The following TBXAS1 variants were observed in gnomAD, a reference collection of about 807,000 sequenced individuals.
TBXAS1 encodes the protein thromboxane A synthase 1.
TBXAS1 carries 48 observed loss-of-function variants against 60.7 expected under a neutral mutation model. The observed-to-expected ratio is 0.79, with a 90% CI of 0.63 to 1.01. The LOEUF (loss-of-function observed/expected upper bound fraction) is 1.01. Among genes scored for constraint, TBXAS1 ranks in the 50% least tolerant of loss-of-function variants. The pLI is 0.00. For synonymous variants in TBXAS1, 287 were observed against 269.7 expected (o/e 1.06, Z -0.63); for missense variants, 685 against 686.3 (o/e 1.00, Z 0.02).
At position 139,952,746 on chromosome 7, in the gene TBXAS1, C is replaced by T. The variant is rs1016596897; in HGVS notation, c.451-622C>T. 16 of 1,464,676 alleles carry T rather than the reference C, an allele frequency of 1.1e-5. No homozygotes were observed. The African/African-American group carries it at 2.0e-4, about 18-fold the overall frequency. The allele number at this position is 1,464,676 out of a possible 1,614,324, so 90.7% of individuals were successfully genotyped here. ...TTCCTATTAAAAAAAAGAAACCCAA[C>T]AATTGCCCCATGTGGGCATAGGAGG... On this transcript the variant is annotated intron_variant, in intron 5 of 12. Transcript: ENST00000448866.
At position 140,015,709 on chromosome 7, in the gene TBXAS1, G is replaced by A. The variant is rs1213460644; in HGVS notation, c.1227-14G>A. On this transcript the variant is annotated splice_polypyrimidine_tract_variant and intron_variant, in intron 10 of 12. Transcript: ENST00000448866. Reference sequence around the variant, plus strand: ...TCTTCTCTGTATCCACCCCCGACCTGGTGTTTCCCTCAGATTCACACGGGA... The same window carrying A: ...TCTTCTCTGTATCCACCCCCGACCTAGTGTTTCCCTCAGATTCACACGGGA... 1 of 1,612,594 alleles carries A rather than the reference G, an allele frequency of 6.2e-7. No homozygotes were observed. The highest frequency in any genetic ancestry group is 8.5e-7 in the Non-Finnish European group (1 of 1,179,980).
chr7:139,807,238 G>C (rs1313597167), intron 4 of TBXAS1, among the ~76,000 whole-genome samples: 1 of 152,130 alleles, frequency 6.6e-6, no homozygotes. Context: ...TCTGTTTCCT[G>C]CTCTGCCACC....
intron 9 of TBXAS1, among the ~76,000 whole-genome samples, chr7:140,005,954 A>T (rs1463688172): frequency 6.6e-6 from 1 of 152,024 alleles, no homozygotes; most frequent in Non-Finnish European, 1.5e-5. Context: ...TCACTTTGAG[A>T]GCTGGCTGAG....
Position 139,921,796 on chromosome 7 carries a change from G to T in TBXAS1, c.333+10475G>T, listed in dbSNP as rs1806492168. 2.0e-5 allele frequency among the ~76,000 whole-genome samples: 3 copies of T among 152,216 alleles called. No homozygotes were observed. In the South Asian group the frequency reaches 6.2e-4, roughly 32 times the overall value. ...TAAACATATAGGTTTCCAGTTTTTT[G>T]CTATTATGAATTAGGTTGTTATATC... On this transcript the variant is annotated intron_variant, in intron 4 of 12. Coordinates refer to ENST00000448866, the MANE Select transcript of TBXAS1 (RefSeq NM_001061.7).
At chr7:139,783,410 A>C (rs549769734) in intron 3 of TBXAS1, among the ~76,000 whole-genome samples, 1 of 152,218 alleles carries the variant, frequency 6.6e-6, no homozygotes, top group South Asian at 2.1e-4. Flanking sequence ...GTAGATGCAC[A>C]GAAGGTAGGG....
At chr7:139,972,074 T>C (rs938044049) in intron 9 of TBXAS1, among the ~76,000 whole-genome samples, 2 of 152,140 alleles carry the variant, frequency 1.3e-5, no homozygotes, top group African/African-American at 2.4e-5. Context: ...CAGGTGTTTT[T>C]TTCTGGGCTG....
intron 9 of TBXAS1, among the ~76,000 whole-genome samples, chr7:139,983,928 G>A (rs536908142): frequency 6.6e-6 from 1 of 152,330 alleles, no homozygotes; most frequent in East Asian, 1.9e-4. Context: ...GGAGCTGCCA[G>A]TGGAGAAAGT....
chr7:139,873,248 G>A lies in TBXAS1; in HGVS notation c.183+920G>A, dbSNP rs566137013. On this transcript the variant is annotated intron_variant, in intron 2 of 12. Transcript: ENST00000448866. ...CTGACTAGAGGCCAAATGCTAAGGT[G>A]CACTGGGCAATGCAGTTGGGTGAGA... 1.4e-4 allele frequency among the ~76,000 whole-genome samples: 21 copies of A among 152,330 alleles called. No individual in the cohort carries two copies. The South Asian group carries it at 3.9e-3, about 29-fold the overall frequency.
chr7:140,009,187 T>C (rs151238141), intron 10 of TBXAS1, among the ~76,000 whole-genome samples: 1,625 of 152,326 alleles, frequency 0.011, 37 homozygotes, highest in African/African-American at 0.036. Context: ...TTGGTGCAGG[T>C]GGACCAGGAA....
intron 1 of TBXAS1, among the ~76,000 whole-genome samples, chr7:139,844,920 A>G (rs776018923): frequency 6.6e-6 from 1 of 151,992 alleles, no homozygotes; most frequent in African/African-American, 2.4e-5. Flanking sequence ...CTCCTTGCTC[A>G]TTTCCTCATT....
intron 9 of TBXAS1, among the ~76,000 whole-genome samples, chr7:139,964,277 G>A (rs1810610775): frequency 6.6e-6 from 1 of 152,152 alleles, no homozygotes; most frequent in Non-Finnish European, 1.5e-5. Flanking sequence ...TAGATACGGG[G>A]TTTCACCACG....
chr7:139,997,844 TCCC>T (rs1813397636), intron 9 of TBXAS1, among the ~76,000 whole-genome samples: 2 of 152,094 alleles, frequency 1.3e-5, no homozygotes, highest in Non-Finnish European at 2.9e-5. Context: ...AACATACACA[TCCC>T]TCATGACCCG....
At chr7:139,850,140 T>C (rs1288788252) in intron 1 of TBXAS1, among the ~76,000 whole-genome samples, 1 of 152,146 alleles carries the variant, frequency 6.6e-6, no homozygotes, top group Non-Finnish European at 1.5e-5. Flanking sequence ...TTCTCAAAGA[T>C]AAAAAGAGAC....
intron 3 of TBXAS1, among the ~76,000 whole-genome samples, chr7:139,879,944 C>T (rs145835280): frequency 0.033 from 5,088 of 151,892 alleles, 260 homozygotes; most frequent in African/African-American, 0.12. Context: ...TGCAGTGGCA[C>T]GATCTCAGCT....
chr7:139,857,682 A>G (rs575072890), intron 1 of TBXAS1, among the ~76,000 whole-genome samples: 16 of 151,730 alleles, frequency 1.1e-4, no homozygotes, highest in African/African-American at 3.4e-4. Context: ...ACACTTTCCC[A>G]GGGTCAGAAT....
chr7:139,835,489 C>T (rs1378099009), intron 1 of TBXAS1, among the ~76,000 whole-genome samples: 2 of 152,116 alleles, frequency 1.3e-5, no homozygotes, highest in Non-Finnish European at 2.9e-5. Context: ...ATACAAAAGT[C>T]AATAAATGTG....
intron 2 of TBXAS1, among the ~76,000 whole-genome samples, chr7:139,874,645 A>G (rs1802082359): frequency 6.6e-6 from 1 of 151,276 alleles, no homozygotes; most frequent in South Asian, 2.1e-4. Flanking sequence ...TTATGTATCC[A>G]CCCCATACTC....
chr7:139,937,861 T>A (rs575572574), intron 5 of TBXAS1, among the ~76,000 whole-genome samples: 66 of 141,628 alleles, frequency 4.7e-4, no homozygotes, highest in Non-Finnish European at 8.6e-4. Context: ...CGTAGGACTG[T>A]GCCAGGGGCT....
At chr7:139,858,385 C>T (rs140259308) in intron 1 of TBXAS1, among the ~76,000 whole-genome samples, 4 of 152,248 alleles carry the variant, frequency 2.6e-5, no homozygotes, top group African/African-American at 9.6e-5. Context: ...GACCATTTAT[C>T]GTTTTTTAAG....
Sources: allele counts gnomAD v4.1 joint callset (sites outside exome capture counted in the v4.1 genomes callset), GRCh38; gene constraint gnomAD v4.1.1; transcripts MANE v1.5; gene names NCBI Gene and HGNC (gene_info 2026-07-23, HGNC 2026-07-21).